The following KCNB2 variants were observed in gnomAD, a reference collection of about 807,000 sequenced individuals.
KCNB2 encodes the protein delayed rectifier potassium channel protein.
A neutral mutation model predicts 61.5 loss-of-function variants in KCNB2; 15 were observed. The ratio of observed to expected loss-of-function variants is 0.24; its 90% CI spans 0.16 to 0.38. KCNB2 has a LOEUF of 0.38. Among genes scored for constraint, KCNB2 ranks in the 10% least tolerant of loss-of-function variants. KCNB2 has a pLI of 1.00. For synonymous variants in KCNB2, 457 were observed against 446.0 expected, an observed-to-expected ratio of 1.02 and a Z score of -0.31; for missense variants, 828 against 1,125.2, an observed-to-expected ratio of 0.74 and a Z score of 3.78.
intron 1 of KCNB2, among the ~76,000 whole-genome samples, chr8:72,543,564 C>A (rs1224037008): frequency 2.0e-5 from 3 of 152,190 alleles, no homozygotes; most frequent in African/African-American, 7.2e-5. Context: ...TAGCTGGTGA[C>A]ATAACTTCCC....
At chr8:72,916,873 A>C (rs977124066) in intron 2 of KCNB2, among the ~76,000 whole-genome samples, 2 of 152,120 alleles carry the variant, frequency 1.3e-5, no homozygotes, top group South Asian at 2.1e-4. Context: ...CCAGTGTCCA[A>C]CCTTAGTCTC....
chr8:72,715,147 G>A (rs1031452887), intron 2 of KCNB2, among the ~76,000 whole-genome samples: 8 of 152,098 alleles, frequency 5.3e-5, no homozygotes, highest in East Asian at 1.9e-4. Flanking sequence ...ACAGGAGCAC[G>A]CAGATTCGTA....
At chr8:72,757,043 A>ATCAT (rs1808301525) in intron 2 of KCNB2, among the ~76,000 whole-genome samples, 1 of 152,164 alleles carries the variant, frequency 6.6e-6, no homozygotes, top group Admixed American at 6.6e-5. Flanking sequence ...GATACTTAGA[A>ATCAT]GCTTGGGAGT....
intron 2 of KCNB2, among the ~76,000 whole-genome samples, chr8:72,771,030 G>A (rs1275145224): frequency 3.3e-5 from 5 of 152,194 alleles, no homozygotes; most frequent in Non-Finnish European, 7.3e-5. Flanking sequence ...TATTGTCGCA[G>A]AAAAAAGCTC....
At chr8:72,662,923 G>A (rs531310316) in intron 2 of KCNB2, among the ~76,000 whole-genome samples, 1 of 152,268 alleles carries the variant, frequency 6.6e-6, no homozygotes, top group East Asian at 1.9e-4. Context: ...ATGGTGAAAT[G>A]TTTGATGACA....
chr8:72,668,932 C>T (rs1393843880), intron 2 of KCNB2, among the ~76,000 whole-genome samples: 3 of 151,626 alleles, frequency 2.0e-5, no homozygotes, highest in East Asian at 1.9e-4. Context: ...TGTGTGTGTG[C>T]ATGCATGTGT....
chr8:72,599,343 T>G (rs1390458602), intron 2 of KCNB2, among the ~76,000 whole-genome samples: 1 of 152,172 alleles, frequency 6.6e-6, no homozygotes, highest in Non-Finnish European at 1.5e-5. Flanking sequence ...AAACAAGCAA[T>G]TGGGAAAGGA....
chr8:72,864,353 A>G (rs1459087902), intron 2 of KCNB2, among the ~76,000 whole-genome samples: 1 of 152,196 alleles, frequency 6.6e-6, no homozygotes, highest in Non-Finnish European at 1.5e-5. Context: ...ATGAAAATGC[A>G]AAATTGTTTC....
chr8:72,691,353 AG>A (rs1398749065), intron 2 of KCNB2, among the ~76,000 whole-genome samples: 2 of 152,236 alleles, frequency 1.3e-5, no homozygotes, highest in African/African-American at 4.8e-5. Flanking sequence ...TGCCATAAAA[AG>A]AAAAGTCTTA....
At chr8:72,597,726 C>T (rs78781652) in intron 2 of KCNB2, among the ~76,000 whole-genome samples, 3,203 of 152,178 alleles carry the variant, frequency 0.021, 110 homozygotes, top group African/African-American at 0.07. Flanking sequence ...GTACTGGTCC[C>T]ATATGGGAAT....
Position 72,725,591 on chromosome 8 carries a change from G to GTATGTGTATATATA in KCNB2, c.579+157281_579+157282insGTGTATATATATAT, listed in dbSNP as rs1807631795. On this transcript the variant is annotated intron_variant, in intron 2 of 2. Transcript: ENST00000523207. ...TATATATATGTATATATATATGTATGTATATATATATATATATATATATAT... is the reference window on the plus strand; with the variant it reads ...TATATATATGTATATATATATGTATGTATGTGTATATATATATATATATATATATATATATATAT... Among the ~76,000 whole-genome samples the GTATGTGTATATATA allele has an allele frequency of 2.3e-4, 12 of 51,956 alleles. 1 individual carries two copies. The highest frequency in any genetic ancestry group is 7.8e-4 in the African/African-American group (12 of 15,394). The allele number at this position is 51,956 out of a possible 152,430, so 34.1% of individuals were successfully genotyped here. A position where few individuals can be genotyped will look rare whatever the true frequency, so the allele number is the denominator to read the frequency against.
chr8:72,595,515 G>A (rs1378150487), intron 2 of KCNB2, among the ~76,000 whole-genome samples: 1 of 151,636 alleles, frequency 6.6e-6, no homozygotes, highest in African/African-American at 2.4e-5. Flanking sequence ...TAGTAGAGAC[G>A]GAGTTTCACC....
chr8:72,688,807 A>G (rs1585831335), intron 2 of KCNB2, among the ~76,000 whole-genome samples: 1 of 152,026 alleles, frequency 6.6e-6, no homozygotes, highest in Non-Finnish European at 1.5e-5. Context: ...GCTCACTGCA[A>G]CCTCCGCCTC....
chr8:72,934,920 A>G (rs1467414327), intron 2 of KCNB2, among the ~76,000 whole-genome samples: 1 of 151,970 alleles, frequency 6.6e-6, no homozygotes, highest in Non-Finnish European at 1.5e-5. Flanking sequence ...TATGTCCTAT[A>G]TGGCTTTACA....
At chr8:72,593,568 G>A (rs1373867782) in intron 2 of KCNB2, among the ~76,000 whole-genome samples, 2 of 152,158 alleles carry the variant, frequency 1.3e-5, no homozygotes, top group East Asian at 3.8e-4. Flanking sequence ...GCAACTCTAG[G>A]GAGAGAGTTT....
chr8:72,824,321 G>A (rs551896087), intron 2 of KCNB2, among the ~76,000 whole-genome samples: 1 of 152,100 alleles, frequency 6.6e-6, no homozygotes, highest in South Asian at 2.1e-4. Flanking sequence ...CTGCTCCTCA[G>A]CCCAGCAGGG....
intron 2 of KCNB2, among the ~76,000 whole-genome samples, chr8:72,888,450 A>G (rs1351568594): frequency 2.0e-5 from 3 of 152,146 alleles, no homozygotes; most frequent in African/African-American, 7.2e-5. Context: ...AATCACAGTC[A>G]TAATTATAAA....
At chr8:72,640,228 G>A (rs1330693865) in intron 2 of KCNB2, among the ~76,000 whole-genome samples, 2 of 151,942 alleles carry the variant, frequency 1.3e-5, no homozygotes, top group Non-Finnish European at 2.9e-5. Flanking sequence ...TTTTTATATT[G>A]GTCTTCCCAT....
intron 2 of KCNB2, among the ~76,000 whole-genome samples, chr8:72,847,695 T>C (rs1172761344): frequency 6.6e-6 from 1 of 152,124 alleles, no homozygotes; most frequent in African/African-American, 2.4e-5. Flanking sequence ...AATTTCTCTA[T>C]GCTCAAACTG....
Sources: gnomAD v4.1 joint callset for allele counts (sites outside exome capture counted in the v4.1 genomes callset) on GRCh38, gnomAD v4.1.1 for gene constraint, MANE v1.5 for transcripts, NCBI Gene and HGNC (gene_info 2026-07-23, HGNC 2026-07-21) for gene names.